Variants in NEBL observed in about 807,000 individuals in gnomAD.
The protein encoded by NEBL is nebulette, also known as LIM and SH3 protein 2.
In NEBL, 122 loss-of-function variants were observed where a neutral mutation model predicts 140.2. The ratio of observed to expected loss-of-function variants is 0.87; its 90% confidence interval spans 0.75 to 1.01. The LOEUF (loss-of-function observed/expected upper bound fraction) is 1.01, where lower values mean the gene tolerates loss of function less well. Ranked by LOEUF, NEBL falls within the 50% of genes least tolerant of loss-of-function variation. The pLI is 0.00. For missense variants in NEBL, 1,365 were observed against 1,231.3 expected (o/e 1.11, Z -1.62); for synonymous variants, 436 against 398.9 (o/e 1.09, Z -1.11).
At chr10:21,165,637 C>T (rs1245998305) in intron 2 of NEBL, among the ~76,000 whole-genome samples, 3 of 152,162 alleles carry the variant, frequency 2.0e-5, no homozygotes, top group East Asian at 1.9e-4. Flanking sequence ...ATCTCGTCTA[C>T]GTGCCAGGCT....
intron 25 of NEBL, among the ~76,000 whole-genome samples, chr10:20,809,427 C>G (rs1807594374): frequency 6.6e-6 from 1 of 152,116 alleles, no homozygotes; most frequent in South Asian, 2.1e-4. Flanking sequence ...AAAAACCTTT[C>G]TACTGTTCTA....
At chr10:20,878,070 C>G (rs1328581508) in intron 5 of NEBL, among the ~76,000 whole-genome samples, 1 of 152,144 alleles carries the variant, frequency 6.6e-6, no homozygotes, top group Admixed American at 6.6e-5. Flanking sequence ...CTTATTTTTA[C>G]TGTTTGGAGA....
At chr10:21,288,818 G>GTCTATATATATATATATATATATATA in intron 1 of NEBL, among the ~76,000 whole-genome samples, 1 of 32,666 alleles carries the variant, frequency 3.1e-5, no homozygotes, top group East Asian at 2.0e-3. Flanking sequence ...ACGTGTGTGT[G>GTCTATATATATATATATATATATATA]TGTATATATA....
At chr10:21,033,704 C>T (rs564159763) in intron 2 of NEBL, among the ~76,000 whole-genome samples, 7 of 148,602 alleles carry the variant, frequency 4.7e-5, no homozygotes, top group African/African-American at 1.7e-4. Flanking sequence ...TGCACCACTG[C>T]ACTCCAGCCT....
intron 1 of NEBL, among the ~76,000 whole-genome samples, chr10:21,264,031 G>A (rs1005676818): frequency 3.3e-5 from 5 of 152,172 alleles, no homozygotes; most frequent in Non-Finnish European, 7.3e-5. Context: ...AGGGAGGGTG[G>A]TGCAGTTAGG....
chr10:21,214,583 C>A (rs1223111278), intron 3 of NEBL, among the ~76,000 whole-genome samples: 2 of 151,500 alleles, frequency 1.3e-5, no homozygotes, highest in Non-Finnish European at 2.9e-5. Context: ...CGCACACATG[C>A]ACATTACACA....
intron 17 of NEBL, among the ~76,000 whole-genome samples, chr10:20,828,135 T>C (rs1479210370): frequency 6.6e-6 from 1 of 152,098 alleles, no homozygotes; most frequent in Admixed American, 6.6e-5. Context: ...TATAGAAGTT[T>C]AGAAATTTAT....
At chr10:20,917,459 G>A (rs753423238) in intron 4 of NEBL, among the ~76,000 whole-genome samples, 8 of 152,128 alleles carry the variant, frequency 5.3e-5, no homozygotes, top group Non-Finnish European at 5.9e-5. Flanking sequence ...GCTGAATTAG[G>A]CTGAAAGTTG....
chr10:20,997,155 G>A (rs937465092), intron 3 of NEBL, among the ~76,000 whole-genome samples: 2 of 152,026 alleles, frequency 1.3e-5, no homozygotes, highest in Admixed American at 6.6e-5. Context: ...TTAAATAATA[G>A]CCAAACTCTT....
intron 21 of NEBL, among the ~76,000 whole-genome samples, chr10:20,816,665 T>C (rs1838747682): frequency 6.6e-6 from 1 of 152,216 alleles, no homozygotes; most frequent in East Asian, 1.9e-4. Flanking sequence ...GATTTCCAAG[T>C]TTCCTCTTCC....
At chr10:20,908,323 T>C (rs184682525) in intron 4 of NEBL, among the ~76,000 whole-genome samples, 1 of 152,358 alleles carries the variant, frequency 6.6e-6, no homozygotes, top group Non-Finnish European at 1.5e-5. Context: ...GTAGTGATAT[T>C]ACTTTCTCTC....
intron 4 of NEBL, among the ~76,000 whole-genome samples, chr10:20,940,176 T>G (rs1284233052): frequency 1.3e-5 from 2 of 152,104 alleles, no homozygotes; most frequent in African/African-American, 4.8e-5. Context: ...ATTGACCACA[T>G]AGTTGGAAGT....
chr10:21,263,468 G>T (rs61851514), intron 1 of NEBL, among the ~76,000 whole-genome samples: 1 of 152,086 alleles, frequency 6.6e-6, no homozygotes, highest in South Asian at 2.1e-4. Context: ...GAGTCCAAGC[G>T]GGGGAGGTTG....
chr10:20,786,158 G>T (rs1056147463), intron 27 of NEBL, among the ~76,000 whole-genome samples: 3 of 152,096 alleles, frequency 2.0e-5, no homozygotes, highest in African/African-American at 7.2e-5. Context: ...ACGACAGGTA[G>T]CCCATCAAAA....
At chr10:21,184,337 T>G (rs1160684098) in intron 3 of NEBL, among the ~76,000 whole-genome samples, 1 of 152,106 alleles carries the variant, frequency 6.6e-6, no homozygotes, top group Non-Finnish European at 1.5e-5. Flanking sequence ...GGTTGCTCAG[T>G]AAAGGGGCTG....
At chr10:21,035,931 G>T (rs911462618) in intron 2 of NEBL, among the ~76,000 whole-genome samples, 1 of 152,148 alleles carries the variant, frequency 6.6e-6, no homozygotes, top group Admixed American at 6.6e-5. Flanking sequence ...GGGAGGCTGA[G>T]GTGAGCGGAT....
intron 2 of NEBL, among the ~76,000 whole-genome samples, chr10:21,027,065 C>A (rs1013532723): frequency 5.9e-5 from 9 of 152,280 alleles, no homozygotes; most frequent in Admixed American, 3.3e-4. Flanking sequence ...AAGCGTCTTG[C>A]TTCCTCCTGA....
chr10:21,051,126 G>C (rs1181043415), intron 2 of NEBL, among the ~76,000 whole-genome samples: 1 of 152,100 alleles, frequency 6.6e-6, no homozygotes, highest in Non-Finnish European at 1.5e-5. Context: ...GATGTCTAGA[G>C]ATAGGAAAAA....
intron 4 of NEBL, among the ~76,000 whole-genome samples, chr10:20,936,002 T>G (rs1352666790): frequency 6.6e-6 from 1 of 152,110 alleles, no homozygotes; most frequent in Non-Finnish European, 1.5e-5. Context: ...CAAATAAATA[T>G]AAAATAAACT....
Sources: gnomAD v4.1 joint callset for allele counts (sites outside exome capture counted in the v4.1 genomes callset) on GRCh38, gnomAD v4.1.1 for gene constraint, MANE v1.5 for transcripts, NCBI Gene and HGNC (gene_info 2026-07-23, HGNC 2026-07-21) for gene names.